Variants in FYTTD1 observed in about 807,000 individuals in gnomAD.
The protein encoded by FYTTD1 is forty-two-three domain containing 1, also known as UAP56-interacting factor.
In FYTTD1, 22 loss-of-function variants were observed where a neutral mutation model predicts 40.9. That is an observed-to-expected ratio of 0.54 (90% CI 0.38 to 0.77). The LOEUF (loss-of-function observed/expected upper bound fraction) is 0.77. Among genes scored for constraint, FYTTD1 ranks in the 30% least tolerant of loss-of-function variants. FYTTD1 has a pLI of 0.00. For missense variants in FYTTD1, 351 were observed against 392.2 expected, an observed-to-expected ratio of 0.90 and a Z score of 0.89; for synonymous variants, 140 against 137.9, an observed-to-expected ratio of 1.01 and a Z score of -0.10.
chr3:197,757,631 C>T (rs2109038018), intron 2 of FYTTD1, among the ~76,000 whole-genome samples: 1 of 152,218 alleles, frequency 6.6e-6, no homozygotes, highest in Non-Finnish European at 1.5e-5. Context: ...AAAAATTAGC[C>T]AGGCGTGGTG....
At chr3:197,765,610 C>A (rs1221191229) in intron 2 of FYTTD1, among the ~76,000 whole-genome samples, 7 of 152,040 alleles carry the variant, frequency 4.6e-5, no homozygotes, top group African/African-American at 1.7e-4. Context: ...GCCTGTAACC[C>A]CAGCACTTTG....
At position 197,768,459 on chromosome 3, in the gene FYTTD1, A is replaced by T. The variant is rs1729615249; in HGVS notation, c.256A>T (p.Asn86Tyr). The change falls in exon 3 of 9, where the codon AAT becomes TAT. Residue 86 changes from asparagine to tyrosine, a missense_variant. Coordinates refer to ENST00000241502, the MANE Select transcript of FYTTD1 (RefSeq NM_032288.7). ...QNSGFGKTSLNRRGRVMPGKR... is the reference protein window; with the variant it reads ...QNSGFGKTSLYRRGRVMPGKR... Reference sequence around the variant, plus strand: ...TATAGGTTTTGGTAAGACTAGTCTGAATCGTAGAGGAAGAGTAATGCCTGG... The same window carrying T: ...TATAGGTTTTGGTAAGACTAGTCTGTATCGTAGAGGAAGAGTAATGCCTGG... 6.2e-7 allele frequency: 1 copy of T among 1,611,808 alleles called. No individual in the cohort carries two copies. Among genetic ancestry groups the T allele is most frequent in the Non-Finnish European group, 8.5e-7 (1 of 1,178,338 alleles).
At chr3:197,757,961 A>G (rs1303919738) in intron 2 of FYTTD1, among the ~76,000 whole-genome samples, 1 of 152,182 alleles carries the variant, frequency 6.6e-6, no homozygotes, top group African/African-American at 2.4e-5. Flanking sequence ...TGGAGTGCAA[A>G]GGCACGATCT....
intron 1 of FYTTD1, chr3:197,755,894 C>A (rs1234553409): frequency 1.4e-6 from 2 of 1,425,636 alleles, no homozygotes; most frequent in African/African-American, 2.9e-5. Flanking sequence ...ATGGACGCTT[C>A]TGCGATTATG....
At chr3:197,773,321 T>A in intron 4 of FYTTD1, 82 bp from the exon 5 acceptor site, 1 of 766,606 alleles carries the variant, frequency 1.3e-6, no homozygotes. Context: ...AGCCTATGAA[T>A]TTAACTATTT....
At chr3:197,752,127 T>C (rs1210953759) in intron 1 of FYTTD1, among the ~76,000 whole-genome samples, 1 of 152,210 alleles carries the variant, frequency 6.6e-6, no homozygotes, top group East Asian at 1.9e-4. Context: ...CTGTCTGCCT[T>C]GGCCTCCCCT....
chr3:197,770,266 T>A, intron 4 of FYTTD1, 22 bp downstream of exon 4: 1 of 1,388,360 alleles, frequency 7.2e-7, no homozygotes, highest in Non-Finnish European at 1.0e-6. Context: ...AAAATAATAA[T>A]GTGTTATTTT....
intron 1 of FYTTD1, among the ~76,000 whole-genome samples, chr3:197,752,465 T>A (rs898415952): frequency 6.6e-6 from 1 of 152,216 alleles, no homozygotes; most frequent in Non-Finnish European, 1.5e-5. Context: ...ACTATATATA[T>A]GTGTGTATGT....
intron 2 of FYTTD1, among the ~76,000 whole-genome samples, chr3:197,767,491 T>A (rs182541098): frequency 6.6e-6 from 1 of 150,780 alleles, no homozygotes; most frequent in African/African-American, 2.4e-5. Flanking sequence ...ATTTATATAT[T>A]TATTTATTTT....
chr3:197,755,851 A>C (rs1729198869), intron 1 of FYTTD1: 2 of 1,550,580 alleles, frequency 1.3e-6, no homozygotes, highest in Non-Finnish European at 1.7e-6. Context: ...AGGAAAATGG[A>C]GGCTTCTGTG....
rs576603902 is a variant in FYTTD1, at chr3:197,768,053, T to C, written c.236-386T>C. ...TATATAATTTATATAAAATCATCAG[T>C]GAAATATTTTACCTTGAAATACCTC... is the stretch of plus-strand genomic sequence containing the variant. On this transcript the variant is annotated intron_variant, in intron 2 of 8. Transcript: ENST00000241502. 7.2e-5 allele frequency among the ~76,000 whole-genome samples: 11 copies of C among 152,340 alleles called. 1 individual carries two copies. The highest frequency in any genetic ancestry group is 7.2e-4 in the Admixed American group (11 of 15,308).
chr3:197,751,438 G>T (rs1002000295), intron 1 of FYTTD1, among the ~76,000 whole-genome samples: 3 of 152,196 alleles, frequency 2.0e-5, no homozygotes, highest in Non-Finnish European at 4.4e-5. Flanking sequence ...TTGAGCCCAG[G>T]AGTTCGAGAC....
chr3:197,752,777 C>CT (rs746404900), intron 1 of FYTTD1, among the ~76,000 whole-genome samples: 101 of 151,782 alleles, frequency 6.7e-4, no homozygotes, highest in East Asian at 2.1e-3. Flanking sequence ...TGTATATATG[C>CT]TTTTGTTATT....
chr3:197,774,187 T>C lies in FYTTD1; in HGVS notation c.633T>C (p.Asp211=), dbSNP rs906090975. Residue 211 remains aspartate (D), a synonymous_variant, in exon 6 of 9, where the codon GAT becomes GAC. Transcript: ENST00000241502. ...TGAATACAGAACAACTGCTAGACGA[T>C]GTAGTAGCAAAGAGAACTCGTCAGT... is the stretch of plus-strand genomic sequence containing the variant. ...AQLNTEQLLD[D]VVAKRTRQWR... The C allele has an allele frequency of 8.1e-6, 13 of 1,614,138 alleles. No individual in the cohort carries two copies. The highest frequency in any genetic ancestry group is 1.0e-5 in the Non-Finnish European group (12 of 1,179,944).
chr3:197,764,751 A>G (rs1398961091), intron 2 of FYTTD1, among the ~76,000 whole-genome samples: 2 of 149,176 alleles, frequency 1.3e-5, no homozygotes, highest in Non-Finnish European at 3.0e-5. Flanking sequence ...CTTGGATAAG[A>G]GAAAAAAAAA....
intron 5 of FYTTD1, 48 bp downstream of exon 5, chr3:197,773,547 C>G: frequency 1.4e-6 from 1 of 716,446 alleles, no homozygotes; most frequent in Non-Finnish European, 2.3e-6. Context: ...TTGTTTTTTC[C>G]CAAAGAGGAT....
At chr3:197,755,788 G>T (rs750821226) in intron 1 of FYTTD1, 1 of 1,550,540 alleles carries the variant, frequency 6.4e-7, no homozygotes, top group African/African-American at 1.4e-5. Flanking sequence ...ATGCCTGGCC[G>T]GAAGGGGGTC....
At chr3:197,756,286 A>G in intron 1 of FYTTD1, 140 bp from the exon 2 acceptor site, 1 of 663,500 alleles carries the variant, frequency 1.5e-6, no homozygotes, top group Non-Finnish European at 2.7e-6. Flanking sequence ...AAAATGGCTG[A>G]TTCTTGTTAT....
At chr3:197,759,004 C>T (rs563063075) in intron 2 of FYTTD1, among the ~76,000 whole-genome samples, 1 of 151,436 alleles carries the variant, frequency 6.6e-6, no homozygotes, top group African/African-American at 2.4e-5. Flanking sequence ...AGTGGTAGAG[C>T]GTATAGAGTT....
Sources: gnomAD v4.1 joint callset for allele counts (sites outside exome capture counted in the v4.1 genomes callset) on GRCh38, gnomAD v4.1.1 for gene constraint, MANE v1.5 for transcripts, NCBI Gene and HGNC (gene_info 2026-07-23, HGNC 2026-07-21) for gene names.